Variants in EGF observed in about 807,000 individuals in gnomAD.
EGF encodes the protein pro-epidermal growth factor.
EGF carries 95 observed loss-of-function variants against 143.8 expected under a neutral mutation model. That is an observed-to-expected ratio of 0.66 (90% CI 0.56 to 0.78). The LOEUF is 0.78. EGF is among the 30% of genes least tolerant of loss of function. The probability of loss-of-function intolerance (pLI) is 0.00; values close to 1 mark genes in which losing one functional copy is unlikely to be tolerated. For synonymous variants in EGF, 510 were observed against 510.5 expected (o/e 1.00, Z 0.01); for missense variants, 1,320 against 1,470.9 (o/e 0.90, Z 1.68).
At chr4:109,943,183 T>A (rs1248647160) in intron 2 of EGF, 71 bp from the exon 3 acceptor site, 1 of 1,070,918 alleles carries the variant, frequency 9.3e-7, no homozygotes, top group Non-Finnish European at 1.4e-6. Flanking sequence ...ACTTTTTATA[T>A]ATAACAATTA....
chr4:110,005,107 C>T (rs965643963), intron 22 of EGF, among the ~76,000 whole-genome samples: 1 of 129,062 alleles, frequency 7.7e-6, no homozygotes, highest in African/African-American at 2.9e-5. Context: ...AGTAATCCAA[C>T]CACTCACTGC....
At chr4:109,932,364 T>A (rs1186920144) in intron 1 of EGF, among the ~76,000 whole-genome samples, 1 of 127,896 alleles carries the variant, frequency 7.8e-6, no homozygotes, top group Non-Finnish European at 1.6e-5. Context: ...TTTAGTCATA[T>A]ATATATATAT....
chr4:109,944,757 C>A (rs925925500), intron 4 of EGF, among the ~76,000 whole-genome samples: 1 of 152,148 alleles, frequency 6.6e-6, no homozygotes, highest in Admixed American at 6.5e-5. Flanking sequence ...AGCAGAAATT[C>A]GTCATGTGAA....
chr4:109,919,359 A>G (rs906161626), intron 1 of EGF, among the ~76,000 whole-genome samples: 3 of 87,774 alleles, frequency 3.4e-5, no homozygotes, highest in African/African-American at 1.3e-4. Context: ...TCTCTCTCTC[A>G]TCTCTCTCTC....
rs1238223272 is a variant in EGF at position 109,979,104 on chromosome 4, C to T, written c.2054-868C>T. Among the ~76,000 whole-genome samples, 8 of 152,290 alleles carry T rather than the reference C, an allele frequency of 5.3e-5. No homozygotes were observed. In the East Asian group the frequency reaches 1.3e-3, roughly 26 times the overall value. Reference sequence around the variant, plus strand: ...TGCCTTCTCAGAGCAGTTCCAGTGGCACAGAGAGGTAGGTTTGGTGAAGGT... The same window carrying T: ...TGCCTTCTCAGAGCAGTTCCAGTGGTACAGAGAGGTAGGTTTGGTGAAGGT... On this transcript the variant is annotated intron_variant, in intron 13 of 23. Coordinates refer to ENST00000265171, the MANE Select transcript of EGF (RefSeq NM_001963.6).
rs41475451 is a variant in EGF at position 110,004,631 on chromosome 4, A to G, written c.3291+9A>G. ...CTTGCCCTCAACCTTGGGTAATGTG[A>G]CCAAAGCAGATGAAGCAAGGAATTG... On this transcript the variant is annotated intron_variant, in intron 22 of 23. Coordinates refer to ENST00000265171, the MANE Select transcript of EGF (RefSeq NM_001963.6). 1 of 1,612,722 alleles carries G rather than the reference A, an allele frequency of 6.2e-7. No individual in the cohort carries two copies. The highest frequency in any genetic ancestry group is 8.5e-7 in the Non-Finnish European group (1 of 1,178,788).
Position 110,004,547 on chromosome 4 carries a change from G to A in EGF, c.3216G>A (p.Glu1072=), listed in dbSNP as rs535486165. Residue 1072 remains glutamate (E), a synonymous_variant, in exon 22 of 24, where the codon GAG becomes GAA. Coordinates refer to ENST00000265171, the MANE Select transcript of EGF (RefSeq NM_001963.6). ...CGAAAAACCCAAAGAATCCTTATGA[G>A]GAGTCGAGCAGAGATGTGAGGAGTC... ...LLSKNPKNPY[E]ESSRDVRSRR... is the part of the protein sequence containing the mutation. 3 of 1,614,074 alleles carry A rather than the reference G, an allele frequency of 1.9e-6. No homozygotes were observed. The highest frequency in any genetic ancestry group is 2.5e-6 in the Non-Finnish European group (3 of 1,179,968).
intron 6 of EGF, among the ~76,000 whole-genome samples, chr4:109,960,233 C>G (rs1745470643): frequency 6.6e-6 from 1 of 152,170 alleles, no homozygotes; most frequent in South Asian, 2.1e-4. Context: ...TAGGAAATGT[C>G]CTAAGCTTGT....
rs75168459 is a variant in EGF, at chr4:109,991,546, A to T, written c.2735-1701A>T. Among the ~76,000 whole-genome samples the T allele has an allele frequency of 9.0e-3, 1,369 of 152,270 alleles. 7 individuals carry two copies. The highest frequency in any genetic ancestry group is 0.015 in the Non-Finnish European group (1,001 of 68,024). Reference sequence around the variant, plus strand: ...AATGAGTAAGGCTGTTCTTGCAGTAATGTAAAATTGAGAGGAAGAGAGGCC... The same window carrying T: ...AATGAGTAAGGCTGTTCTTGCAGTATTGTAAAATTGAGAGGAAGAGAGGCC... On this transcript the variant is annotated intron_variant, in intron 18 of 23. Transcript: ENST00000265171.
chr4:110,000,816 G>A (rs1251945829), intron 21 of EGF, among the ~76,000 whole-genome samples: 2 of 152,244 alleles, frequency 1.3e-5, no homozygotes, highest in African/African-American at 2.4e-5. Context: ...AAAACTTTAG[G>A]GCTGAAGGGG....
At chr4:110,005,794 C>A (rs1350425753) in intron 22 of EGF, among the ~76,000 whole-genome samples, 1 of 152,144 alleles carries the variant, frequency 6.6e-6, no homozygotes, top group Non-Finnish European at 1.5e-5. Flanking sequence ...GAATACATGG[C>A]AGGTCCATGG....
At chr4:109,925,215 C>T (rs1738429093) in intron 1 of EGF, among the ~76,000 whole-genome samples, 1 of 152,118 alleles carries the variant, frequency 6.6e-6, no homozygotes, top group Admixed American at 6.5e-5. Context: ...ACATGAAAAA[C>T]CACATGACAA....
Position 109,980,891 on chromosome 4 carries a change from G to C in EGF, c.2287G>C (p.Ala763Pro), listed in dbSNP as rs1231075699. Reference protein sequence around the residue: ...EHICKKRLGTAWCSCREGFMK... With the variant: ...EHICKKRLGTPWCSCREGFMK... The stretch of plus-strand genomic sequence containing the variant: ...TATTTGCAAAAAGAGGCTTGGAACT[G>C]CTTGGTGTTCGTGTCGTGAAGGTTT... Residue 763 changes from alanine (A) to proline (P), a missense_variant, in exon 15 of 24, where the codon GCT (alanine) becomes CCT (proline). Physicochemically the swap from Ala to Pro is conservative, Grantham distance 27 (BLOSUM62 -1). Coordinates refer to ENST00000265171, the MANE Select transcript of EGF (RefSeq NM_001963.6). 2 of 1,613,982 alleles carry C rather than the reference G, an allele frequency of 1.2e-6. No individual in the cohort carries two copies. The highest frequency in any genetic ancestry group is 3.3e-5 in the Admixed American group (2 of 59,984).
intron 5 of EGF, among the ~76,000 whole-genome samples, chr4:109,951,756 CCAGA>C (rs1481447259): frequency 6.6e-6 from 1 of 152,166 alleles, no homozygotes; most frequent in African/African-American, 2.4e-5. Flanking sequence ...GGATTTGAAA[CCAGA>C]CAGACTGGTA....
chr4:109,976,213 A>T lies in EGF; in HGVS notation c.2031A>T (p.Arg677=). 6.2e-7 allele frequency: 1 copy of T among 1,614,038 alleles called. No individual in the cohort carries two copies. The highest frequency in any genetic ancestry group is 8.5e-7 in the Non-Finnish European group (1 of 1,179,980). Residue 677 remains arginine (R), a synonymous_variant, in exon 13 of 24, where the codon CGA becomes CGT. Coordinates refer to ENST00000265171, the MANE Select transcript of EGF (RefSeq NM_001963.6). ...CCAATCTGGATGGTTCAAAACGCCG[A>T]AGACTTACCCAGAATGATGTAGGTG... The part of the protein sequence containing the change: ...EMANLDGSKR[R]RLTQNDVGHP...
Position 109,995,228 on chromosome 4 carries a change from A to G in EGF, c.3005+348A>G, listed in dbSNP as rs575023270. Among the ~76,000 whole-genome samples the G allele has an allele frequency of 7.9e-5, 12 of 152,066 alleles. No homozygotes were observed. In the South Asian group the frequency reaches 8.3e-4, roughly 11 times the overall value. ...TAATTCCTTAAAACTTTTTTTTTCC[A>G]TCAAATGTGCTTTATATTATGTGTG... On this transcript the variant is annotated intron_variant, in intron 20 of 23. Transcript: ENST00000265171.
intron 18 of EGF, among the ~76,000 whole-genome samples, chr4:109,989,889 C>T (rs1750690172): frequency 1.3e-5 from 2 of 152,122 alleles, no homozygotes; most frequent in African/African-American, 4.8e-5. Context: ...AAGCAGTGGG[C>T]TTGCTCCTCT....
intron 1 of EGF, among the ~76,000 whole-genome samples, chr4:109,915,075 T>G (rs1362963124): frequency 6.6e-6 from 1 of 152,210 alleles, no homozygotes; most frequent in African/African-American, 2.4e-5. Flanking sequence ...AGCAAGTCTA[T>G]GCCTTGTTTT....
At chr4:109,995,863 A>G (rs1478535863) in intron 20 of EGF, among the ~76,000 whole-genome samples, 1 of 152,228 alleles carries the variant, frequency 6.6e-6, no homozygotes, top group Non-Finnish European at 1.5e-5. Flanking sequence ...GACAAAGTGT[A>G]TGGCCTTGCA....
Sources: gnomAD v4.1 joint callset for allele counts (sites outside exome capture counted in the v4.1 genomes callset) on GRCh38, gnomAD v4.1.1 for gene constraint, MANE v1.5 for transcripts, NCBI Gene and HGNC (gene_info 2026-07-23, HGNC 2026-07-21) for gene names.